Variants in OBSL1 observed in about 807,000 individuals in gnomAD.
OBSL1 encodes the protein obscurin-like protein 1.
In OBSL1, 160 loss-of-function variants were observed where a neutral mutation model predicts 172.0. The ratio of observed to expected loss-of-function variants is 0.93; its 90% CI spans 0.82 to 1.06. The LOEUF is 1.06. Ranked by LOEUF, OBSL1 falls within the 50% of genes least tolerant of loss-of-function variation. The pLI, the probability that OBSL1 is intolerant of heterozygous loss-of-function variation, is 0.00. For missense variants in OBSL1, 2,681 were observed against 2,715.4 expected (o/e 0.99, Z 0.28); for synonymous variants, 1,200 against 1,196.3 (o/e 1.00, Z -0.06).
rs1023620700 is a variant in OBSL1 at position 219,571,333 on chromosome 2, G to A, written c.-101C>T. The A allele has an allele frequency of 1.3e-6, 1 of 765,190 alleles. No individual in the cohort carries two copies. The highest frequency in any genetic ancestry group is 1.8e-5 in the African/African-American group (1 of 54,774). The allele number at this position is 765,190 out of a possible 1,614,324, so 47.4% of individuals were successfully genotyped here. A position where few individuals can be genotyped will look rare whatever the true frequency, so the allele number is the denominator to read the frequency against. ...GCGGCGGGGTCGGGGCGCGGCTGGG[G>A]ACTGGGCGCGGGGACCCGCGGAGCT... On this transcript the variant is annotated 5_prime_UTR_variant, in exon 1 of 21. Coordinates refer to ENST00000404537, the MANE Select transcript of OBSL1 (RefSeq NM_015311.3).
intron 7 of OBSL1, chr2:219,562,880 G>A (rs568985952): frequency 5.3e-5 from 33 of 623,804 alleles, no homozygotes; most frequent in Non-Finnish European, 7.8e-5. Context: ...TTTCTGCTGC[G>A]CAGGAGCTGC....
downstream of OBSL1, chr2:219,547,658 G>A: frequency 1.3e-6 from 2 of 1,534,000 alleles, no homozygotes; most frequent in Non-Finnish European, 1.8e-6. Context: ...GCTGCTCTGC[G>A]GGCTGGTGGC....
Position 219,557,626 on chromosome 2 carries a change from G to T in OBSL1, c.3791-8C>A, listed in dbSNP as rs1197005397. The T allele has an allele frequency of 2.0e-6, 3 of 1,530,468 alleles. No homozygotes were observed. The highest frequency in any genetic ancestry group is 2.7e-5 in the African/African-American group (2 of 73,016). 94.8% of individuals were successfully genotyped at this position (1,530,468 alleles called of 1,614,324 possible). ...CCACCCGCACAGGGGGCTCTGTGGA[G>T]TCAGAGCTGGAGGTCACTGGGAGGG... On this transcript the variant is annotated splice_polypyrimidine_tract_variant and splice_region_variant and intron_variant, in intron 11 of 20. Transcript: ENST00000404537.
chr2:219,561,782 G>T (rs981056685), intron 8 of OBSL1: 4 of 691,970 alleles, frequency 5.8e-6, no homozygotes, highest in Non-Finnish European at 1.1e-5. Context: ...TGCCCACAGG[G>T]GCCAGGTTAG....
intron 7 of OBSL1, 30 bp downstream of exon 7, chr2:219,563,325 T>C: frequency 6.5e-7 from 1 of 1,532,242 alleles, no homozygotes; most frequent in Non-Finnish European, 8.8e-7. Context: ...CACCTTCCCC[T>C]GTGCCTCCGA....
rs1695719030 is a variant in OBSL1, at chr2:219,552,685, G to A, written c.5159C>T (p.Ala1720Val). 6.5e-7 allele frequency: 1 copy of A among 1,530,840 alleles called. No homozygotes were observed. The highest frequency in any genetic ancestry group is 8.8e-7 in the Non-Finnish European group (1 of 1,141,194). The allele number at this position is 1,530,840 out of a possible 1,614,324, so 94.8% of individuals were successfully genotyped here. A position where few individuals can be genotyped will look rare whatever the true frequency, so the allele number is the denominator to read the frequency against. The change falls in exon 18 of 21, where the codon GCG becomes GTG. Residue 1720 changes from alanine to valine, a missense_variant. Physicochemically the swap from Ala to Val is moderately conservative, Grantham distance 64. Transcript: ENST00000404537. ...VRLTVRERTVAVLSELRSVSA... is the reference protein window; with the variant it reads ...VRLTVRERTVVVLSELRSVSA... ...CACCGACCGCAGCTCGGAGAGTACC[G>A]CCACAGTACGCTCTGGGGCGGAGCC...
Position 219,559,362 on chromosome 2 carries a change from T to A in OBSL1, c.3089A>T (p.Glu1030Val). ...VRWYKDGLEVEESEALVLERD... is the reference protein window; with the variant it reads ...VRWYKDGLEVVESEALVLERD... ...CTCCAGCACCAGGGCCTCGCTCTCCTCCACTTCCAGCCCATCCTTGTACCA... is the reference window on the plus strand; with the variant it reads ...CTCCAGCACCAGGGCCTCGCTCTCCACCACTTCCAGCCCATCCTTGTACCA... Residue 1030 changes from glutamate to valine, a missense_variant, in exon 9 of 21, where the codon GAG becomes GTG. This residue lies in a region of OBSL1 where 1,765 missense variants were observed against 1,748.3 expected (regional missense o/e 1.01). Transcript: ENST00000404537. The A allele has an allele frequency of 6.2e-7, 1 of 1,613,926 alleles. No individual in the cohort carries two copies. The highest frequency in any genetic ancestry group is 1.6e-4 in the Middle Eastern group (1 of 6,062).
At chr2:219,552,384 C>T in intron 18 of OBSL1, 152 bp downstream of exon 18, 2 of 837,780 alleles carry the variant, frequency 2.4e-6, no homozygotes, top group South Asian at 3.5e-5. Flanking sequence ...GGACTAGGGG[C>T]TGGGGGCGGG....
rs1695597344 is a variant in OBSL1, at chr2:219,551,350, G to C, written c.5683+179C>G. ...AGGAGCAGCTGATCTGAGCCAAGCA[G>C]TTCCAGGGCTTTCCAGCCCTGGGTG... On this transcript the variant is annotated intron_variant, in intron 20 of 20. Coordinates refer to ENST00000404537, the MANE Select transcript of OBSL1 (RefSeq NM_015311.3). The C allele has an allele frequency of 6.4e-6, 9 of 1,406,250 alleles. No homozygotes were observed. In the South Asian group the frequency reaches 1.2e-4, roughly 19 times the overall value. 87.1% of individuals were successfully genotyped at this position (1,406,250 alleles called of 1,614,324 possible). A position where few individuals can be genotyped will look rare whatever the true frequency, so the allele number is the denominator to read the frequency against.
At chr2:219,553,191 G>A (rs1356055309) in intron 16 of OBSL1, among the ~76,000 whole-genome samples, 167 bp from the exon 17 acceptor site, 2 of 152,206 alleles carry the variant, frequency 1.3e-5, no homozygotes, top group African/African-American at 2.4e-5. Flanking sequence ...CTTTGGGGTC[G>A]TGCCAGGAGC....
chr2:219,557,403 C>T lies in OBSL1; in HGVS notation c.4006G>A (p.Ala1336Thr), dbSNP rs371472847. 2.1e-5 allele frequency: 33 copies of T among 1,545,200 alleles called. No homozygotes were observed. Among genetic ancestry groups the T allele is most frequent in the African/African-American group, 4.1e-5 (3 of 73,196 alleles). Residue 1336 changes from alanine (A) to threonine (T), a missense_variant, in exon 12 of 21, where the codon GCT becomes ACT. By Grantham distance (58) the Ala-to-Thr change is moderately conservative. Around this residue, in one of 5 missense-constraint regions of OBSL1, gnomAD observed 1,765 missense variants for 1,748.3 expected, o/e 1.01. Coordinates refer to ENST00000404537, the MANE Select transcript of OBSL1 (RefSeq NM_015311.3). ...LRVQGARSGD[A>T]GEYLCDAPQD... Reference sequence around the variant, plus strand: ...GGCGCATCGCACAGGTACTCCCCAGCGTCCCCGCTCCGTGCCCCCTGCACC... The same window carrying T: ...GGCGCATCGCACAGGTACTCCCCAGTGTCCCCGCTCCGTGCCCCCTGCACC...
At chr2:219,562,259 G>T in intron 8 of OBSL1, 143 bp downstream of exon 8, 1 of 1,022,436 alleles carries the variant, frequency 9.8e-7, no homozygotes, top group Non-Finnish European at 1.4e-6. Flanking sequence ...GGGGCCCTGG[G>T]CTCATCTCAG....
At chr2:219,556,846 A>C in intron 12 of OBSL1, 123 bp from the exon 13 acceptor site, 1 of 1,082,338 alleles carries the variant, frequency 9.2e-7, no homozygotes, top group Non-Finnish European at 1.3e-6. Flanking sequence ...AGGACCTACT[A>C]TGTATCGACC....
rs775353571 is a variant in OBSL1, at chr2:219,570,331, C to T, written c.902G>A (p.Gly301Asp). ...RRLMYRDRDG[G>D]FVLKVLYCQA... Reference sequence around the variant, plus strand: ...GCAGTAAAGCACCTTGAGCACGAAGCCGCCGTCGCGGTCGCGGTACATGAG... The same window carrying T: ...GCAGTAAAGCACCTTGAGCACGAAGTCGCCGTCGCGGTCGCGGTACATGAG... Residue 301 changes from glycine (G) to aspartate (D), a missense_variant, in exon 1 of 21, where the codon GGC becomes GAC. Around this residue, in one of 5 missense-constraint regions of OBSL1, gnomAD observed 706 missense variants for 695.8 expected, o/e 1.01. Coordinates refer to ENST00000404537, the MANE Select transcript of OBSL1 (RefSeq NM_015311.3). 1 of 1,612,196 alleles carries T rather than the reference C, an allele frequency of 6.2e-7. No homozygotes were observed. The highest frequency in any genetic ancestry group is 1.1e-5 in the South Asian group (1 of 90,990).
Position 219,556,305 on chromosome 2 carries a change from A to G in OBSL1, c.4337-13T>C, listed in dbSNP as rs765886906. ...AGCAGCTCTGTCTCTGGTGGGGAAG[A>G]AGGAGGCCATGGAGTCTGGTGGGGT... On this transcript the variant is annotated splice_polypyrimidine_tract_variant and intron_variant, in intron 13 of 20. Transcript: ENST00000404537. The G allele has an allele frequency of 7.0e-6, 11 of 1,572,844 alleles. No homozygotes were observed. Among genetic ancestry groups the G allele is most frequent in the South Asian group, 4.8e-5 (4 of 83,802 alleles).
intron 8 of OBSL1, among the ~76,000 whole-genome samples, chr2:219,560,022 G>A (rs190151068): frequency 1.2e-3 from 185 of 152,314 alleles, no homozygotes; most frequent in African/African-American, 4.4e-3. Context: ...GAGAGTTTTG[G>A]AATTTTGGAA....
chr2:219,565,808 C>G (rs546449092), intron 5 of OBSL1, among the ~76,000 whole-genome samples: 44 of 152,206 alleles, frequency 2.9e-4, no homozygotes, highest in Non-Finnish European at 5.0e-4. Context: ...AAATGCTGCT[C>G]TGGTTGCTGG....
Position 219,557,293 on chromosome 2 carries a change from A to G in OBSL1, c.4066+50T>C, listed in dbSNP as rs1008312197. 4.2e-6 allele frequency: 6 copies of G among 1,425,754 alleles called. No homozygotes were observed. The Middle Eastern group carries it at 5.5e-4, about 131-fold the overall frequency. 88.3% of individuals were successfully genotyped at this position (1,425,754 alleles called of 1,614,324 possible). ...GTAAGGGGGCCCTAGAAAGTGGCAG[A>G]TGGTCCTTGGGGTGCCACAGCCCAC... On this transcript the variant is annotated intron_variant, in intron 12 of 20. Coordinates refer to ENST00000404537, the MANE Select transcript of OBSL1 (RefSeq NM_015311.3).
At chr2:219,569,041 CCTAG>C (rs1273519073) in intron 1 of OBSL1, 2 of 150,796 alleles carry the variant, frequency 1.3e-5, no homozygotes, top group Admixed American at 6.6e-5. Context: ...AGCCACTGTG[CCTAG>C]CTATTTTAAC....
Sources: allele counts gnomAD v4.1 joint callset (sites outside exome capture counted in the v4.1 genomes callset), GRCh38; gene constraint gnomAD v4.1.1; regional missense constraint gnomAD v4.1.1; transcripts MANE v1.5; gene names NCBI Gene and HGNC (gene_info 2026-07-23, HGNC 2026-07-21).